Variants in IGSF11 observed in about 807,000 individuals in gnomAD.
IGSF11 encodes the protein immunoglobulin superfamily member 11.
Under a neutral mutation model 41.0 loss-of-function variants are expected in IGSF11, and 22 were observed. The ratio of observed to expected loss-of-function variants is 0.54; its 90% confidence interval spans 0.38 to 0.77. The LOEUF is 0.77. Ranked by LOEUF, IGSF11 falls within the 30% of genes least tolerant of loss-of-function variation. The pLI is 0.00. For synonymous variants in IGSF11, 219 were observed against 201.3 expected, an observed-to-expected ratio of 1.09 and a Z score of -0.74; for missense variants, 444 against 530.8, an observed-to-expected ratio of 0.84 and a Z score of 1.61.
chr3:119,041,024 C>T (rs1201113245), intron 1 of IGSF11, among the ~76,000 whole-genome samples: 1 of 151,868 alleles, frequency 6.6e-6, no homozygotes, highest in Admixed American at 6.6e-5. Flanking sequence ...AAACTTAAAG[C>T]CTCAAATGTT....
chr3:118,972,124 G>A (rs570480921), intron 1 of IGSF11, among the ~76,000 whole-genome samples: 4 of 152,252 alleles, frequency 2.6e-5, no homozygotes, highest in Non-Finnish European at 5.9e-5. Flanking sequence ...CTTTCTTTAG[G>A]GGGTTGCTCT....
Position 118,901,144 on chromosome 3 carries a change from TG to T in IGSF11, c.*1375del, listed in dbSNP as rs1007869871. ...AAGAAATTTGTGGGTTGCTTAAGTG[TG>T]GTTAAGGCAAGACAGTCACTAATGC... On this transcript the variant is annotated 3_prime_UTR_variant, in exon 7 of 7. Coordinates refer to ENST00000393775, the MANE Select transcript of IGSF11 (RefSeq NM_001015887.3). 59 of 152,468 alleles carry T rather than the reference TG, an allele frequency of 3.9e-4. No homozygotes were observed. Among genetic ancestry groups the T allele is most frequent in the African/African-American group, 1.4e-3 (58 of 41,550 alleles). The allele number at this position is 152,468 out of a possible 1,614,324, so 9.4% of individuals were successfully genotyped here.
chr3:119,132,609 G>A (rs1210507136), intron 1 of IGSF11, among the ~76,000 whole-genome samples: 6 of 151,840 alleles, frequency 4.0e-5, no homozygotes, highest in Non-Finnish European at 7.4e-5. Flanking sequence ...TTAGACTCCC[G>A]CATAATAATA....
At chr3:119,081,359 C>T (rs913500164) in intron 1 of IGSF11, among the ~76,000 whole-genome samples, 3 of 151,978 alleles carry the variant, frequency 2.0e-5, no homozygotes, top group African/African-American at 7.2e-5. Flanking sequence ...TATCCTTTTT[C>T]CCATTCTATT....
At chr3:119,077,378 T>C (rs548154645) in intron 1 of IGSF11, among the ~76,000 whole-genome samples, 23 of 152,064 alleles carry the variant, frequency 1.5e-4, no homozygotes, top group African/African-American at 5.3e-4. Context: ...GTAACAAACC[T>C]ACACGTTGTG....
intron 1 of IGSF11, among the ~76,000 whole-genome samples, chr3:118,989,275 C>T (rs1045937824): frequency 6.6e-6 from 1 of 152,094 alleles, no homozygotes; most frequent in African/African-American, 2.4e-5. Context: ...CCAGTGCAGA[C>T]CTGTGAATTG....
At chr3:118,946,376 G>T (rs1944141700) in intron 1 of IGSF11, among the ~76,000 whole-genome samples, 1 of 150,352 alleles carries the variant, frequency 6.7e-6, no homozygotes. Context: ...TTTTTCTATA[G>T]CACTTATACT....
intron 1 of IGSF11, among the ~76,000 whole-genome samples, chr3:119,130,799 T>C (rs2077471282): frequency 6.6e-6 from 1 of 152,144 alleles, no homozygotes; most frequent in South Asian, 2.1e-4. Flanking sequence ...AGACACCTCA[T>C]ACAGGCAGGT....
chr3:118,935,015 T>C (rs180967585), intron 1 of IGSF11, among the ~76,000 whole-genome samples: 158 of 151,958 alleles, frequency 1.0e-3, no homozygotes, highest in Admixed American at 2.1e-3. Flanking sequence ...TGATACCTTC[T>C]CACAAGAAAA....
At chr3:119,014,836 G>A (rs999130769) in intron 1 of IGSF11, among the ~76,000 whole-genome samples, 2 of 152,118 alleles carry the variant, frequency 1.3e-5, no homozygotes, top group Non-Finnish European at 2.9e-5. Flanking sequence ...ATTTCACAAG[G>A]AAGCCACTGT....
intron 1 of IGSF11, among the ~76,000 whole-genome samples, chr3:119,124,636 G>A (rs2077379215): frequency 6.6e-6 from 1 of 151,694 alleles, no homozygotes; most frequent in Admixed American, 6.6e-5. Context: ...AAAGAAAAAA[G>A]AATAAAAAAT....
chr3:119,001,101 T>C (rs1936782829), intron 1 of IGSF11, among the ~76,000 whole-genome samples: 1 of 152,114 alleles, frequency 6.6e-6, no homozygotes, highest in African/African-American at 2.4e-5. Flanking sequence ...TGAAATGTCC[T>C]TCCCCTAGAT....
At chr3:119,068,987 C>T (rs1293908186) in intron 1 of IGSF11, among the ~76,000 whole-genome samples, 6 of 139,642 alleles carry the variant, frequency 4.3e-5, no homozygotes, top group Admixed American at 2.3e-4. Flanking sequence ...AGTGCAGTGG[C>T]GCAATCTCAG....
chr3:119,000,461 G>A (rs1003751957), intron 1 of IGSF11, among the ~76,000 whole-genome samples: 66 of 150,772 alleles, frequency 4.4e-4, no homozygotes, highest in Non-Finnish European at 6.8e-4. Flanking sequence ...CTATTCTATC[G>A]TATTTAATGG....
chr3:118,997,252 T>C (rs1262158859), intron 1 of IGSF11, among the ~76,000 whole-genome samples: 1 of 152,112 alleles, frequency 6.6e-6, no homozygotes, highest in Non-Finnish European at 1.5e-5. Flanking sequence ...ACTAAATAAG[T>C]AGAGTTATCT....
rs1033362925 is a variant in IGSF11 at position 118,901,683 on chromosome 3, T to C, written c.*837A>G. 7.3e-5 allele frequency: 11 copies of C among 150,676 alleles called. No homozygotes were observed. The highest frequency in any genetic ancestry group is 2.7e-4 in the African/African-American group (11 of 40,846). The allele number at this position is 150,676 out of a possible 1,614,324, so 9.3% of individuals were successfully genotyped here. ...GATGGACCTCTATGAGCTCACTAAA[T>C]ACAACCATTGAACAAGGTATTATAC... On this transcript the variant is annotated 3_prime_UTR_variant, in exon 7 of 7. Coordinates refer to ENST00000393775, the MANE Select transcript of IGSF11 (RefSeq NM_001015887.3).
At chr3:119,103,487 T>C (rs2076971408) in intron 1 of IGSF11, among the ~76,000 whole-genome samples, 1 of 152,172 alleles carries the variant, frequency 6.6e-6, no homozygotes, top group Non-Finnish European at 1.5e-5. Context: ...GGCAGGAGGT[T>C]TATAAGAGGA....
At chr3:118,935,410 A>AT (rs1196585502) in intron 1 of IGSF11, among the ~76,000 whole-genome samples, 1 of 145,594 alleles carries the variant, frequency 6.9e-6, no homozygotes, top group Non-Finnish European at 1.5e-5. Context: ...ACACACACAT[A>AT]TACATACGTA....
At chr3:118,977,149 AT>A (rs934237853) in intron 1 of IGSF11, among the ~76,000 whole-genome samples, 18 of 152,232 alleles carry the variant, frequency 1.2e-4, no homozygotes, top group African/African-American at 4.3e-4. Flanking sequence ...TATTCCCCAG[AT>A]TTTCTTTTAA....
Sources: allele counts gnomAD v4.1 joint callset (sites outside exome capture counted in the v4.1 genomes callset), GRCh38; gene constraint gnomAD v4.1.1; transcripts MANE v1.5; gene names NCBI Gene and HGNC (gene_info 2026-07-23, HGNC 2026-07-21).